Variants in CFAP97D2 observed in about 807,000 individuals in gnomAD.
CFAP97D2 encodes the protein CFAP97 domain containing 2, also known as uncharacterized protein CFAP97D2.
chr13:114,188,181 G>A (rs2138753155), intron 1 of CFAP97D2, among the ~76,000 whole-genome samples: 1 of 151,752 alleles, frequency 6.6e-6, no homozygotes, highest in Middle Eastern at 3.4e-3. Context: ...CTATTAGGGA[G>A]GCTGAGGCAG....
chr13:114,182,623 T>C (rs530660235), intron 1 of CFAP97D2, among the ~76,000 whole-genome samples: 54 of 152,176 alleles, frequency 3.5e-4, no homozygotes, highest in Admixed American at 5.2e-4. Flanking sequence ...TGCAGTGCAT[T>C]GTGCCCCTGG....
At chr13:114,182,090 A>G (rs537391508) in intron 1 of CFAP97D2, among the ~76,000 whole-genome samples, 13 of 150,880 alleles carry the variant, frequency 8.6e-5, no homozygotes, top group Admixed American at 1.3e-4. Context: ...CTCAGTTTTT[A>G]TTGATTATTA....
intron 1 of CFAP97D2, among the ~76,000 whole-genome samples, chr13:114,195,834 G>A (rs1213742858): frequency 3.3e-5 from 5 of 151,832 alleles, no homozygotes; most frequent in African/African-American, 1.2e-4. Context: ...CACTTTGGGA[G>A]GCCGAGGCAG....
intron 1 of CFAP97D2, among the ~76,000 whole-genome samples, chr13:114,181,381 G>T (rs1270253372): frequency 6.6e-6 from 1 of 152,186 alleles, no homozygotes; most frequent in East Asian, 1.9e-4. Flanking sequence ...GGTAGGACAT[G>T]AAACCTGGCA....
chr13:114,194,579 TG>T, intron 1 of CFAP97D2, among the ~76,000 whole-genome samples: 1 of 152,238 alleles, frequency 6.6e-6, no homozygotes, highest in South Asian at 2.1e-4. Flanking sequence ...AGCACTCTGT[TG>T]GGGGCACTCA....
At chr13:114,216,487 G>T (rs1285335694) in intron 4 of CFAP97D2, among the ~76,000 whole-genome samples, 2 of 151,574 alleles carry the variant, frequency 1.3e-5, no homozygotes, top group Non-Finnish European at 2.9e-5. Context: ...TAACCTTCCT[G>T]TGTCCATGTG....
rs1333049832 is a variant in CFAP97D2 at position 114,185,758 on chromosome 13, A to G, written c.90+6338A>G. Among the ~76,000 whole-genome samples the G allele has an allele frequency of 1.3e-5, 2 of 152,214 alleles. No individual in the cohort carries two copies. Among genetic ancestry groups the G allele is most frequent in the African/African-American group, 4.8e-5 (2 of 41,450 alleles). Reference sequence around the variant, plus strand: ...TGACATGCCAGCCCCTTGCCACCTCAGCCCCCTCCAGATTTGGGCACTGAC... The same window carrying G: ...TGACATGCCAGCCCCTTGCCACCTCGGCCCCCTCCAGATTTGGGCACTGAC... On this transcript the variant is annotated intron_variant, in intron 1 of 4. Coordinates refer to ENST00000646158, the Ensembl canonical transcript of CFAP97D2. This position sits in a 1 kb window ranked among gnomAD's most constrained non-coding sequence, Gnocchi z 5.2.
chr13:114,202,804 C>A (rs534934950), intron 3 of CFAP97D2, among the ~76,000 whole-genome samples: 1 of 152,292 alleles, frequency 6.6e-6, no homozygotes, highest in African/African-American at 2.4e-5. Flanking sequence ...GATCCTAAGA[C>A]TACAGGAGCC....
At chr13:114,216,973 G>A (rs1033922583) in intron 4 of CFAP97D2, among the ~76,000 whole-genome samples, 1 of 152,150 alleles carries the variant, frequency 6.6e-6, no homozygotes, top group African/African-American at 2.4e-5. Flanking sequence ...ACTTTTTAAT[G>A]ATGGCCATTC....
intron 3 of CFAP97D2, among the ~76,000 whole-genome samples, chr13:114,208,152 A>G (rs2080949810): frequency 1.3e-5 from 2 of 152,198 alleles, no homozygotes; most frequent in Non-Finnish European, 2.9e-5. Flanking sequence ...TGGTTTCCCC[A>G]TGTATAAAAT....
At chr13:114,213,874 A>C (rs1457543138) in intron 4 of CFAP97D2, among the ~76,000 whole-genome samples, 31 of 125,220 alleles carry the variant, frequency 2.5e-4, no homozygotes, top group East Asian at 7.5e-4. Context: ...AGGACCACAA[A>C]CCCCACCCCT....
intron 1 of CFAP97D2, among the ~76,000 whole-genome samples, chr13:114,184,623 T>G (rs2138749687): frequency 6.6e-6 from 1 of 152,200 alleles, no homozygotes; most frequent in East Asian, 1.9e-4. Context: ...TAGAATTCTG[T>G]ACCCTGAGAA....
intron 4 of CFAP97D2, among the ~76,000 whole-genome samples, chr13:114,216,936 A>T (rs2080996364): frequency 6.6e-6 from 1 of 152,294 alleles, no homozygotes; most frequent in South Asian, 2.1e-4. Context: ...ATTTCTCCAC[A>T]TCTTCTCCAG....
intron 1 of CFAP97D2, among the ~76,000 whole-genome samples, chr13:114,183,838 G>A (rs1051239257): frequency 6.6e-6 from 1 of 152,198 alleles, no homozygotes; most frequent in African/African-American, 2.4e-5. Flanking sequence ...AACATTCGAG[G>A]CATAGCAACC....
At chr13:114,214,713 A>C (rs1354159223) in intron 4 of CFAP97D2, among the ~76,000 whole-genome samples, 1 of 152,108 alleles carries the variant, frequency 6.6e-6, no homozygotes, top group Non-Finnish European at 1.5e-5. Flanking sequence ...CAGCCTCCTC[A>C]GTAGCTGGGG....
chr13:114,182,033 G>T (rs1003800762), intron 1 of CFAP97D2, among the ~76,000 whole-genome samples: 2 of 152,090 alleles, frequency 1.3e-5, no homozygotes, highest in South Asian at 2.1e-4. Context: ...CAGGGGACCG[G>T]CGCTCAGCAT....
intron 4 of CFAP97D2, among the ~76,000 whole-genome samples, chr13:114,212,780 A>G (rs749572821): frequency 1.3e-4 from 20 of 152,328 alleles, no homozygotes; most frequent in Non-Finnish European, 2.6e-4. Flanking sequence ...TGAACCCAGG[A>G]GACGGAGGTT....
intron 1 of CFAP97D2, among the ~76,000 whole-genome samples, chr13:114,195,491 C>T (rs2080882928): frequency 6.6e-6 from 1 of 152,184 alleles, no homozygotes; most frequent in African/African-American, 2.4e-5. Context: ...TTTCCCAATG[C>T]TGTCGCCTTC....
intron 4 of CFAP97D2, among the ~76,000 whole-genome samples, chr13:114,216,407 G>A (rs577370815): frequency 2.0e-5 from 3 of 151,902 alleles, no homozygotes; most frequent in Non-Finnish European, 4.4e-5. Flanking sequence ...TGTCATCTAC[G>A]TTAGGTATAT....
Sources: allele counts gnomAD v4.1 joint callset (sites outside exome capture counted in the v4.1 genomes callset), GRCh38; gene constraint gnomAD v4.1.1; non-coding constraint Gnocchi (gnomAD v3.1); transcripts MANE v1.5; gene names NCBI Gene and HGNC (gene_info 2026-07-23, HGNC 2026-07-21).